The following TTL variants were observed in gnomAD, a reference collection of about 807,000 sequenced individuals.
The protein encoded by TTL is tubulin--tyrosine ligase.
A neutral mutation model predicts 41.1 loss-of-function variants in TTL; 10 were observed. The ratio of observed to expected loss-of-function variants is 0.24; its 90% CI spans 0.15 to 0.41. The LOEUF (loss-of-function observed/expected upper bound fraction) is 0.41. TTL is among the 10% of genes least tolerant of loss of function. TTL has a pLI of 1.00. For synonymous variants in TTL, 175 were observed against 175.5 expected (o/e 1.00, Z 0.02); for missense variants, 367 against 460.4 (o/e 0.80, Z 1.86).
chr2:112,530,573 G>T lies in TTL; in HGVS notation c.*1778G>T. The T allele has an allele frequency of 4.4e-6, 1 of 228,330 alleles. No individual in the cohort carries two copies. 14.1% of individuals were successfully genotyped at this position (228,330 alleles called of 1,614,324 possible). On this transcript the variant is annotated 3_prime_UTR_variant, in exon 7 of 7. Coordinates refer to ENST00000233336, the MANE Select transcript of TTL (RefSeq NM_153712.5). ...GGGAAGATGTATACCCAGTTAGAAC[G>T]TGTAGGGTTCTGGGTCCCTGGCAAG...
intron 3 of TTL, among the ~76,000 whole-genome samples, chr2:112,500,417 A>G (rs1418582811): frequency 6.6e-6 from 1 of 152,084 alleles, no homozygotes; most frequent in Non-Finnish European, 1.5e-5. Context: ...CTAAAAATAC[A>G]AAAATTAGCC....
At chr2:112,524,098 T>C (rs1682314653) in intron 6 of TTL, among the ~76,000 whole-genome samples, 2 of 152,200 alleles carry the variant, frequency 1.3e-5, no homozygotes, top group African/African-American at 4.8e-5. Context: ...TCCAGCTTCA[T>C]CCATGTCCCT....
chr2:112,528,715 G>A lies in TTL; in HGVS notation c.1054G>A (p.Asp352Asn). 1 of 1,614,116 alleles carries A rather than the reference G, an allele frequency of 6.2e-7. No homozygotes were observed. Among genetic ancestry groups the A allele is most frequent in the Non-Finnish European group, 8.5e-7 (1 of 1,180,028 alleles). ...TGCAGAACTGTGCCAAGGCATCGTG[G>A]ACATAGCCATTTCCAGTGTCTTCCC... ...LYAELCQGIVDIAISSVFPPP... is the reference protein window; with the variant it reads ...LYAELCQGIVNIAISSVFPPP... Residue 352 changes from aspartate to asparagine, a missense_variant, in exon 7 of 7, where the codon GAC (aspartate) becomes AAC (asparagine). Asp to Asn is a conservative substitution (Grantham distance 23). Coordinates refer to ENST00000233336, the MANE Select transcript of TTL (RefSeq NM_153712.5).
rs1234794410 is a variant in TTL at position 112,539,682 on chromosome 2, C to G, written c.*10887C>G. On this transcript the variant is annotated 3_prime_UTR_variant, in exon 7 of 7. Transcript: ENST00000233336. ...ATTAAATGTTCTAGACAGAGCAATT[C>G]GACAAAAGGAAGGAAAGAAGACTGC... 3 of 151,924 alleles carry G rather than the reference C, an allele frequency of 2.0e-5. No individual in the cohort carries two copies. The highest frequency in any genetic ancestry group is 4.4e-5 in the Non-Finnish European group (3 of 67,994). The allele number at this position is 151,924 out of a possible 1,614,324, so 9.4% of individuals were successfully genotyped here. A position where few individuals can be genotyped will look rare whatever the true frequency, so the allele number is the denominator to read the frequency against.
intron 2 of TTL, among the ~76,000 whole-genome samples, chr2:112,487,638 G>T (rs962944388): frequency 6.6e-6 from 1 of 152,180 alleles, no homozygotes; most frequent in Admixed American, 6.5e-5. Context: ...CAGAATCCCC[G>T]TGTCTCATCT....
At chr2:112,514,391 A>AAAC (rs1682013056) in intron 5 of TTL, among the ~76,000 whole-genome samples, 1 of 152,148 alleles carries the variant, frequency 6.6e-6, no homozygotes, top group Admixed American at 6.6e-5. Flanking sequence ...CAAAAAAAAA[A>AAAC]AAACTAATTT....
rs1682642886 is a variant in TTL at position 112,538,579 on chromosome 2, TCCAGCCTGGG to T, written c.*9786_*9795del. On this transcript the variant is annotated 3_prime_UTR_variant, in exon 7 of 7. Transcript: ENST00000233336. ...GATCAAATGAGGCCAGGAGTTTGAG[TCCAGCCTGGG>T]CAACATGATTAAATCTGGTCTCTAT... 4 of 151,974 alleles carry T rather than the reference TCCAGCCTGGG, an allele frequency of 2.6e-5. No homozygotes were observed. The South Asian group carries it at 8.3e-4, about 32-fold the overall frequency. 9.4% of individuals were successfully genotyped at this position (151,974 alleles called of 1,614,324 possible). A position where few individuals can be genotyped will look rare whatever the true frequency, so the allele number is the denominator to read the frequency against.
rs1681102670 is a variant in TTL at position 112,482,192 on chromosome 2, G to C, written c.-153G>C. The C allele has an allele frequency of 3.1e-6, 1 of 318,428 alleles. No individual in the cohort carries two copies. The allele number at this position is 318,428 out of a possible 1,614,324, so 19.7% of individuals were successfully genotyped here. ...CGGCACCCGGCGGGCGCCCGGGCGC[G>C]GCGCCGCCGGCACCCGAGAGGCGCG... On this transcript the variant is annotated 5_prime_UTR_variant, in exon 1 of 7. Coordinates refer to ENST00000233336, the MANE Select transcript of TTL (RefSeq NM_153712.5). This position sits in a 1 kb window ranked among gnomAD's most constrained non-coding sequence, Gnocchi z 5.3.
chr2:112,528,468 G>A (rs531193120), intron 6 of TTL, among the ~76,000 whole-genome samples: 1 of 152,048 alleles, frequency 6.6e-6, no homozygotes, highest in South Asian at 2.1e-4. Flanking sequence ...GGCATGGTGG[G>A]GCACACCTAT....
At chr2:112,489,264 G>C (rs562140769) in intron 2 of TTL, among the ~76,000 whole-genome samples, 2 of 152,184 alleles carry the variant, frequency 1.3e-5, no homozygotes, top group South Asian at 4.1e-4. Flanking sequence ...AATTCAAACA[G>C]TAAATTTTCA....
chr2:112,497,447 T>G (rs1681563789), intron 3 of TTL, among the ~76,000 whole-genome samples: 1 of 152,206 alleles, frequency 6.6e-6, no homozygotes, highest in African/African-American at 2.4e-5. Context: ...GGCCGTGAGC[T>G]AACAGGGAGC....
In TTL at chr2:112,537,625, T is replaced by G. The variant is rs1682621195; in HGVS notation, c.*8830T>G. On this transcript the variant is annotated 3_prime_UTR_variant, in exon 7 of 7. Transcript: ENST00000233336. ...ATTGTCTCATATGTTTCTTGGCCACTTGTATGCCAAGGACATTTTATATTG... is the reference window on the plus strand; with the variant it reads ...ATTGTCTCATATGTTTCTTGGCCACGTGTATGCCAAGGACATTTTATATTG... 6.6e-6 allele frequency: 1 copy of G among 152,244 alleles called. No homozygotes were observed. Among genetic ancestry groups the G allele is most frequent in the Admixed American group, 6.5e-5 (1 of 15,276 alleles). The allele number at this position is 152,244 out of a possible 1,614,324, so 9.4% of individuals were successfully genotyped here.
chr2:112,523,721 T>C (rs1327482834), intron 6 of TTL, among the ~76,000 whole-genome samples: 1 of 152,180 alleles, frequency 6.6e-6, no homozygotes, highest in Non-Finnish European at 1.5e-5. Context: ...GGGAATGCTT[T>C]ATCTTCGTGC....
At chr2:112,509,837 C>T (rs1239908636) in intron 5 of TTL, among the ~76,000 whole-genome samples, 3 of 152,182 alleles carry the variant, frequency 2.0e-5, no homozygotes, top group Non-Finnish European at 1.5e-5. Flanking sequence ...GCCATCTTGG[C>T]TCCTCCTCCT....
At chr2:112,502,653 AT>A (rs1452430583) in intron 4 of TTL, among the ~76,000 whole-genome samples, 23 of 126,700 alleles carry the variant, frequency 1.8e-4, no homozygotes, top group East Asian at 1.7e-3. Context: ...AAAAAAAAAA[AT>A]CATCTGATTT....
intron 3 of TTL, among the ~76,000 whole-genome samples, chr2:112,496,588 C>T (rs1014822462): frequency 1.7e-4 from 25 of 151,368 alleles, no homozygotes; most frequent in Admixed American, 5.3e-4. Context: ...TTACAGATAA[C>T]AGTAGTAAAT....
chr2:112,490,999 CGTGTGT>C (rs145067702), intron 2 of TTL, among the ~76,000 whole-genome samples: 2 of 150,204 alleles, frequency 1.3e-5, no homozygotes, highest in Non-Finnish European at 3.0e-5. Context: ...TATGAGTTTG[CGTGTGT>C]GTGTGTGTTG....
At chr2:112,493,489 C>G (rs1681446166) in intron 2 of TTL, among the ~76,000 whole-genome samples, 1 of 152,200 alleles carries the variant, frequency 6.6e-6, no homozygotes, top group Admixed American at 6.5e-5. Context: ...CCTCTAGCTC[C>G]AGGGGTCTGA....
intron 5 of TTL, among the ~76,000 whole-genome samples, chr2:112,509,701 T>A (rs1253542605): frequency 9.9e-5 from 15 of 152,206 alleles, no homozygotes; most frequent in Non-Finnish European, 2.9e-5. Context: ...CACACTGGCC[T>A]GCGCCCACTG....
Sources: allele counts gnomAD v4.1 joint callset (sites outside exome capture counted in the v4.1 genomes callset), GRCh38; gene constraint gnomAD v4.1.1; non-coding constraint Gnocchi (gnomAD v3.1); transcripts MANE v1.5; gene names NCBI Gene and HGNC (gene_info 2026-07-23, HGNC 2026-07-21).